Variants in NDUFC2 observed in about 807,000 individuals in gnomAD.
NDUFC2 encodes NADH:ubiquinone oxidoreductase subunit C2.
NDUFC2 carries 2 observed loss-of-function variants against 10.1 expected under a neutral mutation model. The observed-to-expected ratio is 0.20, with a 90% CI of 0.08 to 0.62. The LOEUF (loss-of-function observed/expected upper bound fraction) is 0.62. Ranked by LOEUF, NDUFC2 falls within the 20% of genes least tolerant of loss-of-function variation. The pLI, the probability that NDUFC2 is intolerant of heterozygous loss-of-function variation, is 0.87. For missense variants in NDUFC2, 156 were observed against 159.6 expected, an observed-to-expected ratio of 0.98 and a Z score of 0.12; for synonymous variants, 61 against 63.6, an observed-to-expected ratio of 0.96 and a Z score of 0.20.
At chr11:78,071,593 C>T (rs1859010970) in intron 2 of NDUFC2, among the ~76,000 whole-genome samples, 1 of 152,186 alleles carries the variant, frequency 6.6e-6, no homozygotes, top group African/African-American at 2.4e-5. Flanking sequence ...AGTAGTTAAA[C>T]TCCCAGCCTA....
Position 78,070,055 on chromosome 11 carries a change from TA to T in NDUFC2, c.311-20del, listed in dbSNP as rs1184497382. ...TTCTTATCTATAAAAGGAAAGATCATAAAAGATTTATTTTAAAAATATGTTT... is the reference window on the plus strand; with the variant it reads ...TTCTTATCTATAAAAGGAAAGATCATAAAGATTTATTTTAAAAATATGTTT... On this transcript the variant is annotated intron_variant, in intron 2 of 2. Coordinates refer to ENST00000281031, the MANE Select transcript of NDUFC2 (RefSeq NM_004549.6). The T allele has an allele frequency of 6.8e-7, 1 of 1,463,074 alleles. No individual in the cohort carries two copies. The highest frequency in any genetic ancestry group is 9.4e-7 in the Non-Finnish European group (1 of 1,060,650). 90.6% of individuals were successfully genotyped at this position (1,463,074 alleles called of 1,614,324 possible).
In NDUFC2 at chr11:78,068,683, G is replaced by A. The variant is rs1171154550; in HGVS notation, c.*1304C>T. 1.3e-5 allele frequency: 2 copies of A among 151,942 alleles called. No individual in the cohort carries two copies. Among genetic ancestry groups the A allele is most frequent in the African/African-American group, 2.4e-5 (1 of 41,314 alleles). 9.4% of individuals were successfully genotyped at this position (151,942 alleles called of 1,614,324 possible). On this transcript the variant is annotated 3_prime_UTR_variant, in exon 3 of 3. Transcript: ENST00000281031. ...ACCTGTAGTCCCAGCTACTCGGGAG[G>A]CTGAGGCAGGAGAATTGCTTGAACC...
intron 2 of NDUFC2, among the ~76,000 whole-genome samples, chr11:78,072,224 C>G (rs536156099): frequency 1.3e-5 from 2 of 152,236 alleles, no homozygotes; most frequent in South Asian, 4.2e-4. Flanking sequence ...GACACCCAGG[C>G]TGGAGTGCAA....
intron 1 of NDUFC2, among the ~76,000 whole-genome samples, chr11:78,078,758 C>CTT (rs1555061964): frequency 2.4e-4 from 5 of 20,794 alleles, no homozygotes; most frequent in Non-Finnish European, 3.7e-4. Flanking sequence ...CAGGGTCTCA[C>CTT]TTTGTTGCAC....
rs148885126 is a variant in NDUFC2, at chr11:78,072,952, A to G, written c.310+46T>C. 1.9e-4 allele frequency: 301 copies of G among 1,592,308 alleles called. 2 individuals are homozygous for G. The East Asian group carries it at 5.3e-3, about 28-fold the overall frequency. On this transcript the variant is annotated intron_variant, in intron 2 of 2. Coordinates refer to ENST00000281031, the MANE Select transcript of NDUFC2 (RefSeq NM_004549.6). ...ACATGGATAAGATTAACCAGGGAAAATAATAATACAGTAAACACAGATTAT... is the reference window on the plus strand; with the variant it reads ...ACATGGATAAGATTAACCAGGGAAAGTAATAATACAGTAAACACAGATTAT...
In NDUFC2 at chr11:78,069,778, T is replaced by C. The variant is rs545799400; in HGVS notation, c.*209A>G. On this transcript the variant is annotated 3_prime_UTR_variant, in exon 3 of 3. Coordinates refer to ENST00000281031, the MANE Select transcript of NDUFC2 (RefSeq NM_004549.6). Reference sequence around the variant, plus strand: ...TAGAATTCAACCTCATCTTAAAATCTTTCAGATGGGTGAATGGAAACTGAC... The same window carrying C: ...TAGAATTCAACCTCATCTTAAAATCCTTCAGATGGGTGAATGGAAACTGAC... 8.3e-7 allele frequency: 1 copy of C among 1,200,642 alleles called. No homozygotes were observed. Among genetic ancestry groups the C allele is most frequent in the South Asian group, 1.4e-5 (1 of 69,678 alleles). 74.4% of individuals were successfully genotyped at this position (1,200,642 alleles called of 1,614,324 possible). A position where few individuals can be genotyped will look rare whatever the true frequency, so the allele number is the denominator to read the frequency against.
At chr11:78,077,051 G>A (rs1859279906) in intron 1 of NDUFC2, among the ~76,000 whole-genome samples, 1 of 152,158 alleles carries the variant, frequency 6.6e-6, no homozygotes, top group Non-Finnish European at 1.5e-5. Context: ...CAGCACTCTG[G>A]GAGGCCGAGG....
At chr11:78,071,118 T>A (rs753172859) in intron 2 of NDUFC2, among the ~76,000 whole-genome samples, 1 of 152,174 alleles carries the variant, frequency 6.6e-6, no homozygotes, top group Non-Finnish European at 1.5e-5. Context: ...TGATCCACCA[T>A]AAATATCATA....
chr11:78,077,549 G>C (rs765041754), intron 1 of NDUFC2, among the ~76,000 whole-genome samples: 2 of 152,112 alleles, frequency 1.3e-5, no homozygotes, highest in South Asian at 2.1e-4. Context: ...AGCAGAGCAA[G>C]TCTGTTTATT....
intron 2 of NDUFC2, among the ~76,000 whole-genome samples, chr11:78,070,814 T>C (rs553919315): frequency 5.9e-5 from 9 of 152,322 alleles, no homozygotes; most frequent in African/African-American, 9.6e-5. Flanking sequence ...CATGAGGCTC[T>C]TGGCACAACT....
intron 2 of NDUFC2, 45 bp downstream of exon 2, chr11:78,072,950 AAAT>A (rs754651864): frequency 3.1e-6 from 5 of 1,591,726 alleles, no homozygotes; most frequent in East Asian, 2.2e-5. Context: ...TAACCAGGGA[AAAT>A]AATAATACAG....
In NDUFC2 at chr11:78,073,014, C is replaced by T. The variant is rs1206293607; in HGVS notation, c.294G>A (p.Glu98=). 6.2e-7 allele frequency: 1 copy of T among 1,612,056 alleles called. No individual in the cohort carries two copies. Residue 98 remains glutamate, a synonymous_variant, in exon 2 of 3, where the codon GAG becomes GAA. Transcript: ENST00000281031. The stretch of plus-strand genomic sequence containing the variant: ...TTGAAATACCTTCTTCAGGAAAATC[C>T]TCTGGATGTAATTTCATATATCCAA... ...EMFGYMKLHP[E]DFPEEDKKTY...
Position 78,079,623 on chromosome 11 carries a change from C to G in NDUFC2, c.122G>C (p.Gly41Ala). The G allele has an allele frequency of 3.2e-6, 5 of 1,570,656 alleles. No homozygotes were observed. Among genetic ancestry groups the G allele is most frequent in the Non-Finnish European group, 1.7e-6 (2 of 1,158,456 alleles). Residue 41 changes from glycine to alanine, a missense_variant, in exon 1 of 3, where the codon GGC becomes GCC. Gly to Ala is a moderately conservative substitution (Grantham distance 60). Transcript: ENST00000281031. The part of the protein sequence containing the change: ...LYIGFLGYCS[G>A]LIDNLIRRRP... The stretch of plus-strand genomic sequence containing the variant: ...CCGCCGGATTAGGTTATCAATCAGG[C>G]CGGAGCAGTAGCCCAAGAAGCCGAT...
At position 78,079,741 on chromosome 11, in the gene NDUFC2, T is replaced by A. The variant is rs771821331; in HGVS notation, c.4A>T (p.Ile2Phe). 1 of 1,606,414 alleles carries A rather than the reference T, an allele frequency of 6.2e-7. No individual in the cohort carries two copies. The highest frequency in any genetic ancestry group is 1.1e-5 in the South Asian group (1 of 90,010). Reference protein sequence around the residue: MIARRNPEPLRF... With the variant: MFARRNPEPLRF... ...AAGGGTTCTGGGTTCCGCCGTGCGA[T>A]CATGGTGACGCCGTTTCCACTTGAG... The change falls in exon 1 of 3, where the codon ATC becomes TTC. Residue 2 changes from isoleucine (I) to phenylalanine (F), a missense_variant. By Grantham distance (21) the Ile-to-Phe change is conservative (BLOSUM62 0). Transcript: ENST00000281031.
intron 2 of NDUFC2, among the ~76,000 whole-genome samples, chr11:78,072,033 CAT>C (rs199558370): frequency 0.012 from 1,898 of 152,274 alleles, 19 homozygotes; most frequent in Non-Finnish European, 0.018. Flanking sequence ...AGAACACACA[CAT>C]GTGTATATCA....
intron 2 of NDUFC2, among the ~76,000 whole-genome samples, chr11:78,070,982 C>A (rs1343050728): frequency 6.6e-6 from 1 of 152,224 alleles, no homozygotes; most frequent in Non-Finnish European, 1.5e-5. Context: ...ATCAATATAT[C>A]CAAGATGACT....
rs780706329 is a variant in NDUFC2 at position 78,069,165 on chromosome 11, C to G, written c.*822G>C. ...TCAGCCTCTCAAAGTGCTGGGATTA[C>G]AGGCATGAGCCACTGCATCGGGCCA... On this transcript the variant is annotated 3_prime_UTR_variant, in exon 3 of 3. Transcript: ENST00000281031. The G allele has an allele frequency of 2.0e-5, 3 of 152,268 alleles. No individual in the cohort carries two copies. The highest frequency in any genetic ancestry group is 2.9e-5 in the Non-Finnish European group (2 of 68,128). 9.4% of individuals were successfully genotyped at this position (152,268 alleles called of 1,614,324 possible).
intron 1 of NDUFC2, among the ~76,000 whole-genome samples, chr11:78,075,690 T>A (rs953472088): frequency 2.0e-5 from 3 of 152,156 alleles, no homozygotes; most frequent in Non-Finnish European, 2.9e-5. Context: ...GCTCAAGTGA[T>A]CCTCTTACTT....
intron 2 of NDUFC2, chr11:78,072,717 G>A (rs768668299): frequency 2.4e-5 from 12 of 497,222 alleles, no homozygotes; most frequent in Middle Eastern, 5.1e-4. Flanking sequence ...CAGGCTTCTG[G>A]CTTGAGTGTC....
Sources: allele counts gnomAD v4.1 joint callset (sites outside exome capture counted in the v4.1 genomes callset), GRCh38; gene constraint gnomAD v4.1.1; transcripts MANE v1.5; gene names NCBI Gene and HGNC (gene_info 2026-07-23, HGNC 2026-07-21).